Variants in PCM1 observed in about 807,000 individuals in gnomAD.
The protein encoded by PCM1 is pericentriolar material 1 protein.
PCM1 carries 157 observed loss-of-function variants against 241.9 expected under a neutral mutation model. The observed-to-expected ratio is 0.65, with a 90% CI of 0.57 to 0.74. The LOEUF (loss-of-function observed/expected upper bound fraction) is 0.74. Ranked by LOEUF, PCM1 falls within the 30% of genes least tolerant of loss-of-function variation. PCM1 has a pLI of 0.00. For synonymous variants in PCM1, 1,085 were observed against 784.9 expected (o/e 1.38, Z -6.39); for missense variants, 3,478 against 2,360.1 (o/e 1.47, Z -9.81).
In PCM1 at chr8:17,964,737, A is replaced by C. The variant is rs1338675993; in HGVS notation, c.2824A>C (p.Asn942His). Residue 942 changes from asparagine to histidine, a missense_variant, in exon 18 of 39, where the codon AAC becomes CAC. Transcript: ENST00000325083. ...GTGTCCTTCTAACAGTGTGAATCAT[A>C]ACTCCTACAATGGAAAGGAAACTAA... The part of the protein sequence containing the change: ...SVCPSNSVNH[N>H]SYNGKETKNR... The C allele has an allele frequency of 6.2e-7, 1 of 1,613,756 alleles. No individual in the cohort carries two copies. The highest frequency in any genetic ancestry group is 1.7e-5 in the Admixed American group (1 of 60,030).
In PCM1 at chr8:17,969,661, T is replaced by C. The variant is rs761095199; in HGVS notation, c.3497T>C (p.Leu1166Ser). The C allele has an allele frequency of 3.7e-6, 6 of 1,612,986 alleles. No individual in the cohort carries two copies. Among genetic ancestry groups the C allele is most frequent in the Non-Finnish European group, 5.1e-6 (6 of 1,179,106 alleles). The change falls in exon 22 of 39, where the codon TTA (leucine) becomes TCA (serine). Residue 1166 changes from leucine (L) to serine (S), a missense_variant. Transcript: ENST00000325083. Reference sequence around the variant, plus strand: ...ACACCCAGTGAACAGCAGCAACCCTTAGCCCAGAATTCTTCAGGAAAAACA... The same window carrying C: ...ACACCCAGTGAACAGCAGCAACCCTCAGCCCAGAATTCTTCAGGAAAAACA... ...ISTPSEQQQP[L>S]AQNSSGKTEY...
chr8:18,001,995 C>CTTTTTT (rs1166401113), intron 29 of PCM1, among the ~76,000 whole-genome samples: 23 of 23,404 alleles, frequency 9.8e-4, no homozygotes, highest in East Asian at 1.0e-3. Flanking sequence ...TCTAACCTTT[C>CTTTTTT]TTTTTTTTTT....
chr8:18,027,600 TA>T, intron 38 of PCM1, 36 bp from the exon 39 acceptor site: 1 of 1,470,338 alleles, frequency 6.8e-7, no homozygotes, highest in South Asian at 1.3e-5. Context: ...AGTAATTCGA[TA>T]AGTAATTTAT....
At chr8:18,009,328 A>G (rs1394936148) in intron 30 of PCM1, among the ~76,000 whole-genome samples, 3 of 152,240 alleles carry the variant, frequency 2.0e-5, no homozygotes, top group African/African-American at 4.8e-5. Flanking sequence ...GGGACTAAAT[A>G]TAGATGACCA....
At chr8:17,985,008 A>G (rs1051242922) in intron 24 of PCM1, among the ~76,000 whole-genome samples, 1 of 151,950 alleles carries the variant, frequency 6.6e-6, no homozygotes, top group African/African-American at 2.4e-5. Flanking sequence ...CATTGGCAGC[A>G]TTCAGTTTAT....
intron 23 of PCM1, among the ~76,000 whole-genome samples, chr8:17,978,258 A>G (rs1186238899): frequency 6.6e-6 from 1 of 152,140 alleles, no homozygotes; most frequent in Admixed American, 6.5e-5. Context: ...AGACGATTAG[A>G]GACTTACAAG....
chr8:17,984,871 A>G (rs73573608), intron 24 of PCM1, among the ~76,000 whole-genome samples: 3,906 of 152,038 alleles, frequency 0.026, 178 homozygotes, highest in African/African-American at 0.09. Flanking sequence ...ATAAGACACA[A>G]TGGTGAAATT....
intron 6 of PCM1, among the ~76,000 whole-genome samples, chr8:17,941,561 A>G (rs1284648703): frequency 1.3e-5 from 2 of 150,992 alleles, no homozygotes; most frequent in African/African-American, 4.9e-5. Context: ...GTGGACTGGT[A>G]CTTTTTAAAT....
intron 9 of PCM1, among the ~76,000 whole-genome samples, chr8:17,954,890 A>G (rs1385446939): frequency 6.6e-6 from 1 of 152,082 alleles, no homozygotes; most frequent in Non-Finnish European, 1.5e-5. Flanking sequence ...TTAATATTTC[A>G]TGGTTTGAGG....
Position 18,025,420 on chromosome 8 carries a change from A to C in PCM1, c.5901A>C (p.Glu1967Asp), listed in dbSNP as rs1376311459. ...KSDEEDFVKV[E>D]DLPLKLTIYS... ...ATGAAGAAGATTTTGTAAAAGTTGA[A>C]GATTTACCACTGAAACTGACAATAT... The change falls in exon 37 of 39, where the codon GAA (glutamate) becomes GAC (aspartate). Residue 1967 changes from glutamate (E) to aspartate (D), a missense_variant. Coordinates refer to ENST00000325083, the MANE Select transcript of PCM1 (RefSeq NM_006197.4). 1 of 1,603,150 alleles carries C rather than the reference A, an allele frequency of 6.2e-7. No homozygotes were observed. Among genetic ancestry groups the C allele is most frequent in the African/African-American group, 1.3e-5 (1 of 74,682 alleles).
intron 21 of PCM1, chr8:17,969,355 C>T (rs1417685535): frequency 2.3e-6 from 1 of 427,410 alleles, no homozygotes; most frequent in Non-Finnish European, 4.1e-6. Flanking sequence ...ACTTTTAGCT[C>T]TTAAGGGAGT....
intron 2 of PCM1, among the ~76,000 whole-genome samples, chr8:17,931,983 G>A (rs1749638939): frequency 6.6e-6 from 1 of 152,072 alleles, no homozygotes; most frequent in African/African-American, 2.4e-5. Flanking sequence ...TTGCTTTTGT[G>A]AAAGCACTTT....
At chr8:18,017,621 A>G (rs2093349503) in intron 36 of PCM1, among the ~76,000 whole-genome samples, 1 of 152,204 alleles carries the variant, frequency 6.6e-6, no homozygotes, top group South Asian at 2.1e-4. Context: ...TGGGAGGCCA[A>G]GGCAGGCAGA....
chr8:17,949,138 T>G (rs1426986703), intron 7 of PCM1, among the ~76,000 whole-genome samples: 1 of 152,210 alleles, frequency 6.6e-6, no homozygotes, highest in East Asian at 1.9e-4. Context: ...CACATGAGTT[T>G]GAACTTCATA....
chr8:17,934,875 C>G (rs1386259599), intron 2 of PCM1: 2 of 152,156 alleles, frequency 1.3e-5, no homozygotes, highest in African/African-American at 2.4e-5. Flanking sequence ...AATTCAGTCC[C>G]TTTCTTGATT....
rs2094132777 is a variant in PCM1 at position 18,025,566 on chromosome 8, T to A, written c.5957T>A (p.Val1986Glu). 1 of 1,580,866 alleles carries A rather than the reference T, an allele frequency of 6.3e-7. No homozygotes were observed. Among genetic ancestry groups the A allele is most frequent in the East Asian group, 2.3e-5 (1 of 44,114 alleles). The change falls in exon 38 of 39, where the codon GTA (valine) becomes GAA (glutamate). Residue 1986 changes from valine (V) to glutamate (E), a missense_variant. By Grantham distance (121) the Val-to-Glu change is moderately radical (BLOSUM62 -2). Transcript: ENST00000325083. ...YSEADLRKKMVEEEQKNHLSG... is the reference protein window; with the variant it reads ...YSEADLRKKMEEEEQKNHLSG... The stretch of plus-strand genomic sequence containing the variant: ...AAGGCAGATCTAAGAAAGAAAATGG[T>A]AGAAGAAGAACAGAAAAACCATTTA...
intron 25 of PCM1, 83 bp from the exon 26 acceptor site, chr8:17,985,876 G>A (rs1367806900): frequency 9.1e-6 from 9 of 990,248 alleles, no homozygotes; most frequent in East Asian, 2.8e-5. Flanking sequence ...CCTTCCATCT[G>A]CTTTTATTTT....
At chr8:17,985,923 G>C in intron 25 of PCM1, 36 bp from the exon 26 acceptor site, 2 of 1,331,518 alleles carry the variant, frequency 1.5e-6, no homozygotes, top group Non-Finnish European at 2.0e-6. Flanking sequence ...AAGCATGTAT[G>C]TTTTATATAA....
At chr8:18,004,472 C>T (rs2090661269) in intron 29 of PCM1, among the ~76,000 whole-genome samples, 1 of 152,150 alleles carries the variant, frequency 6.6e-6, no homozygotes, top group African/African-American at 2.4e-5. Flanking sequence ...TTCCTTCTCA[C>T]TTTACCTGTG....
Sources: gnomAD v4.1 joint callset for allele counts (sites outside exome capture counted in the v4.1 genomes callset) on GRCh38, gnomAD v4.1.1 for gene constraint, MANE v1.5 for transcripts, NCBI Gene and HGNC (gene_info 2026-07-23, HGNC 2026-07-21) for gene names.